NRROS: variants seen among roughly 807,000 people sequenced by gnomAD.
NRROS encodes the protein negative regulator of reactive oxygen species.
In NRROS, 6 loss-of-function variants were observed where a neutral mutation model predicts 12.0. The observed-to-expected ratio is 0.50, with a 90% confidence interval of 0.27 to 0.98. NRROS has a LOEUF of 0.98. NRROS is among the 50% of genes least tolerant of loss of function. The pLI is 0.11. For missense variants in NRROS, 857 were observed against 888.2 expected (o/e 0.96, Z 0.45); for synonymous variants, 462 against 410.2 (o/e 1.13, Z -1.53).
intron 1 of NRROS, among the ~76,000 whole-genome samples, chr3:196,651,183 A>G (rs1737417451): frequency 6.6e-6 from 1 of 152,188 alleles, no homozygotes; most frequent in Non-Finnish European, 1.5e-5. Context: ...TACACACTCT[A>G]CGAAGAGTGT....
chr3:196,652,163 A>G (rs754313901), intron 1 of NRROS, among the ~76,000 whole-genome samples: 6 of 151,842 alleles, frequency 4.0e-5, no homozygotes, highest in Non-Finnish European at 8.8e-5. Flanking sequence ...TTTTAATTGA[A>G]CCTTCCTGCA....
intron 1 of NRROS, among the ~76,000 whole-genome samples, chr3:196,645,867 G>A (rs1737298276): frequency 6.6e-6 from 1 of 152,168 alleles, no homozygotes; most frequent in African/African-American, 2.4e-5. Flanking sequence ...GGTGGGAGAA[G>A]GGACGAAAGC....
Position 196,651,690 on chromosome 3 carries a change from C to T in NRROS, c.-13-2837C>T, listed in dbSNP as rs185231969. 4.7e-4 allele frequency among the ~76,000 whole-genome samples: 71 copies of T among 152,166 alleles called. No individual in the cohort carries two copies. In the South Asian group the frequency reaches 8.5e-3, roughly 18 times the overall value. Reference sequence around the variant, plus strand: ...GCTGAGGCAGGAGAATTGTTGAACCCGGGAGGTGGAGTTTGCAGTGAGGCG... The same window carrying T: ...GCTGAGGCAGGAGAATTGTTGAACCTGGGAGGTGGAGTTTGCAGTGAGGCG... On this transcript the variant is annotated intron_variant, in intron 1 of 2. Transcript: ENST00000328557.
chr3:196,660,220 A>T lies in NRROS; in HGVS notation c.577A>T (p.Ile193Phe). 6.2e-7 allele frequency: 1 copy of T among 1,613,516 alleles called. No homozygotes were observed. The highest frequency in any genetic ancestry group is 8.5e-7 in the Non-Finnish European group (1 of 1,180,024). Residue 193 changes from isoleucine to phenylalanine, a missense_variant, in exon 3 of 3, where the codon ATC becomes TTC. Ile to Phe is a conservative substitution (Grantham distance 21). Coordinates refer to ENST00000328557, the MANE Select transcript of NRROS (RefSeq NM_198565.3). This position sits in a 1 kb window ranked among gnomAD's most constrained non-coding sequence, Gnocchi z 7.7. ...GGAGCTGGATCTGCAGAGGAACTAC[A>T]TCTTCGAGATCGAGGGCGGCGCTTT... Reference protein sequence around the residue: ...LRELDLQRNYIFEIEGGAFDG... With the variant: ...LRELDLQRNYFFEIEGGAFDG...
rs151204768 is a variant in NRROS at position 196,660,781 on chromosome 3, G to C, written c.1138G>C (p.Glu380Gln). Reference sequence around the variant, plus strand: ...GCACGAGCCCCCCGGAGCGCTCACCGAGCTGGACCTGAGCCACAACCAGCT... The same window carrying C: ...GCACGAGCCCCCCGGAGCGCTCACCCAGCTGGACCTGAGCCACAACCAGCT... ...REHEPPGALTELDLSHNQLSE... is the reference protein window; with the variant it reads ...REHEPPGALTQLDLSHNQLSE... Residue 380 changes from glutamate to glutamine, a missense_variant, in exon 3 of 3, where the codon GAG becomes CAG. Transcript: ENST00000328557. This position sits in a 1 kb window ranked among gnomAD's most constrained non-coding sequence, Gnocchi z 7.7. 10 of 1,613,586 alleles carry C rather than the reference G, an allele frequency of 6.2e-6. No individual in the cohort carries two copies. The Admixed American group carries it at 6.7e-5, about 11-fold the overall frequency.
In NRROS at chr3:196,660,732, C is replaced by T; in HGVS notation, c.1089C>T (p.Cys363=). The change falls in exon 3 of 3, where the codon TGC becomes TGT. Residue 363 remains cysteine, a synonymous_variant. Transcript: ENST00000328557. This position sits in a 1 kb window ranked among gnomAD's most constrained non-coding sequence, Gnocchi z 7.7. ...CCCACCTGAACCTCCACCAGAATTGCCTGATGACGCTTCACATTCGGGAGC... is the reference window on the plus strand; with the variant it reads ...CCCACCTGAACCTCCACCAGAATTGTCTGATGACGCTTCACATTCGGGAGC... The part of the protein sequence containing the change: ...SLSHLNLHQN[C]LMTLHIREHE... 1 of 1,614,146 alleles carries T rather than the reference C, an allele frequency of 6.2e-7. No homozygotes were observed. Among genetic ancestry groups the T allele is most frequent in the Non-Finnish European group, 8.5e-7 (1 of 1,180,046 alleles).
chr3:196,659,490 G>A (rs1165697748), intron 2 of NRROS, among the ~76,000 whole-genome samples: 1 of 151,726 alleles, frequency 6.6e-6, no homozygotes, highest in East Asian at 1.9e-4. Flanking sequence ...TGTATTTCCT[G>A]TAGAGACAGG....
intron 2 of NRROS, among the ~76,000 whole-genome samples, chr3:196,658,177 CT>C (rs1190816492): frequency 1.3e-5 from 2 of 152,292 alleles, no homozygotes; most frequent in Admixed American, 1.3e-4. Flanking sequence ...TTTATTTGTA[CT>C]GCCAAGGCAA....
chr3:196,639,906 G>T (rs965959719), intron 1 of NRROS, 31 bp downstream of exon 1: 1 of 152,344 alleles, frequency 6.6e-6, no homozygotes, highest in African/African-American at 2.4e-5. Context: ...GGCGTCCCCG[G>T]GGCACAGCCG....
intron 1 of NRROS, among the ~76,000 whole-genome samples, chr3:196,644,274 C>T (rs904853894): frequency 2.0e-5 from 3 of 151,944 alleles, no homozygotes; most frequent in Admixed American, 6.6e-5. Flanking sequence ...TATCAGGCAC[C>T]GCATGGCACA....
Position 196,660,316 on chromosome 3 carries a change from C to G in NRROS, c.673C>G (p.Leu225Val). ...CCTCCCCTGCATCGTGGACTTCGGG[C>G]TCACGCGGCTGCGGGTCCTCAACGT... is the stretch of plus-strand genomic sequence containing the variant. ...NNLPCIVDFG[L>V]TRLRVLNVSY... The change falls in exon 3 of 3, where the codon CTC (leucine) becomes GTC (valine). Residue 225 changes from leucine to valine, a missense_variant. Coordinates refer to ENST00000328557, the MANE Select transcript of NRROS (RefSeq NM_198565.3). The surrounding 1 kb of genome is among the most constrained non-coding windows in gnomAD (Gnocchi z 7.7). The G allele has an allele frequency of 1.2e-6, 2 of 1,613,990 alleles. No homozygotes were observed. Among genetic ancestry groups the G allele is most frequent in the Non-Finnish European group, 1.7e-6 (2 of 1,179,998 alleles).
intron 2 of NRROS, among the ~76,000 whole-genome samples, chr3:196,659,086 G>A (rs752561477): frequency 5.9e-5 from 9 of 152,142 alleles, no homozygotes; most frequent in Non-Finnish European, 8.8e-5. Flanking sequence ...TATCCTGCAC[G>A]TGTGCTTTCT....
chr3:196,661,530 C>T lies in NRROS; in HGVS notation c.1887C>T (p.Arg629=), dbSNP rs13084645. The T allele has an allele frequency of 2.7e-3, 4,367 of 1,613,716 alleles. 7 individuals are homozygous for T. The highest frequency in any genetic ancestry group is 3.3e-3 in the Non-Finnish European group (3,862 of 1,179,764). The change falls in exon 3 of 3, where the codon CGC becomes CGT. Residue 629 remains arginine, a synonymous_variant. Coordinates refer to ENST00000328557, the MANE Select transcript of NRROS (RefSeq NM_198565.3). ...VTCNLSSKII[R]VTELPGGVPR... ...GCAACCTCTCCTCCAAGATCATCCG[C>T]GTGACGGAGCTGCCCGGAGGTGTGC...
At chr3:196,642,153 A>C (rs1737220875) in intron 1 of NRROS, among the ~76,000 whole-genome samples, 1 of 152,140 alleles carries the variant, frequency 6.6e-6, no homozygotes, top group Admixed American at 6.5e-5. Context: ...CGTGAAGGAA[A>C]AAGGACATCA....
At position 196,654,801 on chromosome 3, in the gene NRROS, C is replaced by T; in HGVS notation, c.108+154C>T. On this transcript the variant is annotated intron_variant, in intron 2 of 2. Coordinates refer to ENST00000328557, the MANE Select transcript of NRROS (RefSeq NM_198565.3). This position sits in a 1 kb window ranked among gnomAD's most constrained non-coding sequence, Gnocchi z 4.4. ...CCTAGCACAGGGGCATGTGCAGCTG[C>T]CCTTTAACCACAGGATTTTAAGATG... is the stretch of plus-strand genomic sequence containing the variant. The T allele has an allele frequency of 1.7e-6, 1 of 592,038 alleles. No individual in the cohort carries two copies. Among genetic ancestry groups the T allele is most frequent in the South Asian group, 2.1e-5 (1 of 48,352 alleles). The allele number at this position is 592,038 out of a possible 1,614,324, so 36.7% of individuals were successfully genotyped here. A position where few individuals can be genotyped will look rare whatever the true frequency, so the allele number is the denominator to read the frequency against.
intron 1 of NRROS, among the ~76,000 whole-genome samples, chr3:196,641,809 T>A (rs960798621): frequency 1.5e-4 from 23 of 152,196 alleles, no homozygotes; most frequent in Non-Finnish European, 2.6e-4. Flanking sequence ...GTATGGACAA[T>A]GACTGTCCCT....
rs187849079 is a variant in NRROS, at chr3:196,658,946, G to A, written c.109-806G>A. ...GATCACACCATTGCACTCCAGCCTG[G>A]GTGACAGGGTAAGACTTCATCTCAA... On this transcript the variant is annotated intron_variant, in intron 2 of 2. Transcript: ENST00000328557. Among the ~76,000 whole-genome samples the A allele has an allele frequency of 2.0e-3, 307 of 152,206 alleles. 4 individuals carry two copies. Among genetic ancestry groups the A allele is most frequent in the Middle Eastern group, 3.4e-3 (1 of 294 alleles).
At chr3:196,643,073 C>CAAA (rs10719005) in intron 1 of NRROS, among the ~76,000 whole-genome samples, 8 of 129,368 alleles carry the variant, frequency 6.2e-5, no homozygotes, top group African/African-American at 2.1e-4. Context: ...AATTCTGTCT[C>CAAA]AAAAAAAAAA....
intron 1 of NRROS, among the ~76,000 whole-genome samples, chr3:196,648,476 C>T (rs1737351704): frequency 6.6e-6 from 1 of 152,020 alleles, no homozygotes; most frequent in Non-Finnish European, 1.5e-5. Context: ...TCTTTAAAAT[C>T]CAACATCCGG....
Sources: allele counts gnomAD v4.1 joint callset (sites outside exome capture counted in the v4.1 genomes callset), GRCh38; gene constraint gnomAD v4.1.1; non-coding constraint Gnocchi (gnomAD v3.1); transcripts MANE v1.5; gene names NCBI Gene and HGNC (gene_info 2026-07-23, HGNC 2026-07-21).